The following EYS variants were observed in gnomAD, a reference collection of about 807,000 sequenced individuals.
EYS encodes EGF-like photoreceptor maintenance factor.
EYS carries 250 observed loss-of-function variants against 282.1 expected under a neutral mutation model. That is an observed-to-expected ratio of 0.89 (90% CI 0.80 to 0.98). EYS has a LOEUF of 0.98. Among genes scored for constraint, EYS ranks in the 50% least tolerant of loss-of-function variants. The pLI, the probability that EYS is intolerant of heterozygous loss-of-function variation, is 0.00. For missense variants in EYS, 4,016 were observed against 3,709.0 expected, an observed-to-expected ratio of 1.08 and a Z score of -2.15; for synonymous variants, 1,355 against 1,282.9, an observed-to-expected ratio of 1.06 and a Z score of -1.20.
rs560837743 is a variant in EYS, at chr6:64,270,295, G to C, written c.6191+36675C>G. Among the ~76,000 whole-genome samples, 11 of 151,670 alleles carry C rather than the reference G, an allele frequency of 7.3e-5. No individual in the cohort carries two copies. In the East Asian group the frequency reaches 2.1e-3, roughly 29 times the overall value. ...TCACATGTGTCATCACATGTGTCAT[G>C]GTGTATATACTTATATACTCAACTT... On this transcript the variant is annotated intron_variant, in intron 30 of 42. Coordinates refer to ENST00000503581, the MANE Select transcript of EYS (RefSeq NM_001142800.2).
At chr6:64,390,065 C>A (rs146481334) in intron 28 of EYS, among the ~76,000 whole-genome samples, 1 of 151,750 alleles carries the variant, frequency 6.6e-6, no homozygotes, top group Non-Finnish European at 1.5e-5. Context: ...GCTTTTCCAA[C>A]GGGCTTAAAA....
At chr6:64,232,960 A>G (rs955405733) in intron 30 of EYS, among the ~76,000 whole-genome samples, 2 of 152,182 alleles carry the variant, frequency 1.3e-5, no homozygotes, top group Non-Finnish European at 2.9e-5. Flanking sequence ...CATGGGATTT[A>G]TTACTCAGTA....
intron 41 of EYS, among the ~76,000 whole-genome samples, chr6:63,743,114 T>C (rs1045112880): frequency 7.9e-5 from 12 of 152,226 alleles, no homozygotes; most frequent in Non-Finnish European, 1.3e-4. Flanking sequence ...ATCTAGTTTC[T>C]CTATATCCCT....
chr6:64,422,019 T>C (rs541172079), intron 28 of EYS, among the ~76,000 whole-genome samples: 1 of 152,018 alleles, frequency 6.6e-6, no homozygotes, highest in Admixed American at 6.6e-5. Flanking sequence ...AGGGGTAGAA[T>C]CCAGAGTTGC....
intron 31 of EYS, among the ~76,000 whole-genome samples, chr6:64,130,736 A>C (rs1388979725): frequency 6.6e-6 from 1 of 152,184 alleles, no homozygotes; most frequent in East Asian, 1.9e-4. Context: ...CTTAGAGCAA[A>C]ATACAACTAA....
At chr6:65,297,411 T>G (rs1447753272) in intron 11 of EYS, among the ~76,000 whole-genome samples, 1 of 151,896 alleles carries the variant, frequency 6.6e-6, no homozygotes, top group African/African-American at 2.4e-5. Context: ...CCAGCAAAAA[T>G]GTTAAAGGTG....
rs549618255 is a variant in EYS at position 64,440,985 on chromosome 6, T to C, written c.5645-1633A>G. On this transcript the variant is annotated intron_variant, in intron 26 of 42. Transcript: ENST00000503581. ...AAAACAGCCCCTATCGGAACATGAA[T>C]TCTGCTAAAATTGAAGCAAGAACAA... Among the ~76,000 whole-genome samples the C allele has an allele frequency of 2.6e-5, 4 of 152,268 alleles. No individual in the cohort carries two copies. The South Asian group carries it at 8.3e-4, about 32-fold the overall frequency.
intron 12 of EYS, among the ~76,000 whole-genome samples, chr6:65,224,387 C>T (rs1031872585): frequency 2.0e-5 from 3 of 151,902 alleles, no homozygotes; most frequent in Admixed American, 6.6e-5. Flanking sequence ...ATACAGTATG[C>T]CAAAACTTAC....
At chr6:64,089,335 C>G (rs1232141512) in intron 31 of EYS, among the ~76,000 whole-genome samples, 1 of 149,472 alleles carries the variant, frequency 6.7e-6, no homozygotes, top group East Asian at 2.0e-4. Context: ...CTATAATTAC[C>G]TACATTTATT....
chr6:64,237,006 G>C (rs943612392), intron 30 of EYS, among the ~76,000 whole-genome samples: 1 of 152,062 alleles, frequency 6.6e-6, no homozygotes, highest in East Asian at 1.9e-4. Context: ...CTTATAAGTA[G>C]TATGTACATT....
chr6:65,429,147 A>G (rs1254535488), intron 5 of EYS, among the ~76,000 whole-genome samples: 1 of 151,568 alleles, frequency 6.6e-6, no homozygotes, highest in African/African-American at 2.4e-5. Context: ...CCATTACACT[A>G]CTGCCTGGGC....
chr6:65,335,235 C>A, intron 10 of EYS, 89 bp from the exon 11 acceptor site: 1 of 890,650 alleles, frequency 1.1e-6, no homozygotes, highest in East Asian at 2.5e-5. Flanking sequence ...TGATAGATGC[C>A]TCTCTGTCTA....
At chr6:64,531,542 A>T (rs1764335614) in intron 26 of EYS, among the ~76,000 whole-genome samples, 1 of 108,512 alleles carries the variant, frequency 9.2e-6, no homozygotes, top group African/African-American at 2.8e-5. Context: ...GCCCGCCACC[A>T]CGCCTGGTTT....
chr6:64,201,499 T>A (rs1765458994), intron 31 of EYS, among the ~76,000 whole-genome samples: 1 of 152,270 alleles, frequency 6.6e-6, no homozygotes, highest in Admixed American at 6.5e-5. Context: ...AGGATTAGAA[T>A]TATCAGTTTG....
At chr6:64,107,456 G>C (rs1423944233) in intron 31 of EYS, among the ~76,000 whole-genome samples, 2 of 151,508 alleles carry the variant, frequency 1.3e-5, no homozygotes, top group Non-Finnish European at 2.9e-5. Flanking sequence ...GAAGCATCCA[G>C]CATGGAAGAA....
At chr6:64,674,032 C>G (rs1490326530) in intron 22 of EYS, among the ~76,000 whole-genome samples, 2 of 151,958 alleles carry the variant, frequency 1.3e-5, no homozygotes, top group East Asian at 3.9e-4. Context: ...CTTGAAAAAC[C>G]AAAAAACTTA....
At chr6:64,834,000 T>C (rs953690455) in intron 19 of EYS, among the ~76,000 whole-genome samples, 8 of 151,976 alleles carry the variant, frequency 5.3e-5, no homozygotes, top group Admixed American at 3.3e-4. Context: ...AGGGCCTTGA[T>C]GAAATTTAAG....
intron 11 of EYS, among the ~76,000 whole-genome samples, chr6:65,313,697 C>G (rs1265103707): frequency 6.6e-6 from 1 of 152,130 alleles, no homozygotes; most frequent in Non-Finnish European, 1.5e-5. Flanking sequence ...AGTATCTTCA[C>G]AGCAAACACC....
At chr6:65,060,201 AG>A (rs1773527394) in intron 12 of EYS, among the ~76,000 whole-genome samples, 2 of 151,320 alleles carry the variant, frequency 1.3e-5, no homozygotes, top group Non-Finnish European at 3.0e-5. Context: ...AGACATCAGG[AG>A]GGTTTGACAA....
Sources: gnomAD v4.1 joint callset for allele counts (sites outside exome capture counted in the v4.1 genomes callset) on GRCh38, gnomAD v4.1.1 for gene constraint, MANE v1.5 for transcripts, NCBI Gene and HGNC (gene_info 2026-07-23, HGNC 2026-07-21) for gene names.